The following PTPRB variants were observed in gnomAD, a reference collection of about 807,000 sequenced individuals.
PTPRB encodes the protein protein tyrosine phosphatase receptor type B.
In PTPRB, 97 loss-of-function variants were observed where a neutral mutation model predicts 238.1. The observed-to-expected ratio is 0.41, with a 90% CI of 0.35 to 0.48. The LOEUF is 0.48. Ranked by LOEUF, PTPRB falls within the 20% of genes least tolerant of loss-of-function variation. The probability of loss-of-function intolerance (pLI) is 0.30; values close to 1 mark genes in which losing one functional copy is unlikely to be tolerated. For synonymous variants in PTPRB, 970 were observed against 995.4 expected, an observed-to-expected ratio of 0.97 and a Z score of 0.48; for missense variants, 2,292 against 2,681.9, an observed-to-expected ratio of 0.85 and a Z score of 3.21.
chr12:70,533,711 C>T (rs376166136), intron 31 of PTPRB, among the ~76,000 whole-genome samples: 5 of 152,114 alleles, frequency 3.3e-5, no homozygotes, highest in East Asian at 3.9e-4. Context: ...CCCTCATGAA[C>T]GGGACTGGTG....
Position 70,571,253 on chromosome 12 carries a change from C to T in PTPRB, c.3143G>A (p.Arg1048Lys), listed in dbSNP as rs775032943. The change falls in exon 13 of 34, where the codon AGG (arginine) becomes AAG (lysine). Residue 1048 changes from arginine to lysine, a missense_variant. By Grantham distance (26) the Arg-to-Lys change is conservative (BLOSUM62 2). Coordinates refer to ENST00000334414, the MANE Select transcript of PTPRB (RefSeq NM_001109754.4). The stretch of plus-strand genomic sequence containing the variant: ...AGTCACATGCAAGTCCTCAGTGCTC[C>T]TGTTGCGCAATGTTAGATCCTTAAC... ...EPVKDLTLRN[R>K]STEDLHVTWS... 6.2e-7 allele frequency: 1 copy of T among 1,609,562 alleles called. No homozygotes were observed. Among genetic ancestry groups the T allele is most frequent in the East Asian group, 2.2e-5 (1 of 44,842 alleles).
intron 22 of PTPRB, among the ~76,000 whole-genome samples, chr12:70,543,192 G>T (rs1476700270): frequency 1.3e-5 from 2 of 152,056 alleles, no homozygotes; most frequent in Non-Finnish European, 2.9e-5. Flanking sequence ...AGGTTACAAA[G>T]ATTTACACCT....
Position 70,520,026 on chromosome 12 carries a change from T to G in PTPRB, c.*1463A>C. 1 of 278,772 alleles carries G rather than the reference T, an allele frequency of 3.6e-6. No homozygotes were observed. The highest frequency in any genetic ancestry group is 7.2e-6 in the Non-Finnish European group (1 of 139,696). The allele number at this position is 278,772 out of a possible 1,614,324, so 17.3% of individuals were successfully genotyped here. ...ATGGTAGGTTACAAAAATATATACT[T>G]TGAAAAGAAATATACTCTTTATGCA... On this transcript the variant is annotated 3_prime_UTR_variant, in exon 34 of 34. Coordinates refer to ENST00000334414, the MANE Select transcript of PTPRB (RefSeq NM_001109754.4).
At chr12:70,530,990 T>G (rs1873146072) in intron 32 of PTPRB, among the ~76,000 whole-genome samples, 2 of 152,258 alleles carry the variant, frequency 1.3e-5, no homozygotes, top group Non-Finnish European at 1.5e-5. Context: ...GTGGCAGAGG[T>G]TCCTGCCTGC....
intron 32 of PTPRB, among the ~76,000 whole-genome samples, chr12:70,529,418 ACCT>A (rs1403139550): frequency 6.6e-6 from 1 of 151,900 alleles, no homozygotes. Context: ...CAATACGATA[ACCT>A]CCTCTTTCCC....
chr12:70,533,462 C>T (rs140607891), intron 31 of PTPRB, among the ~76,000 whole-genome samples: 1 of 151,806 alleles, frequency 6.6e-6, no homozygotes, highest in Non-Finnish European at 1.5e-5. Flanking sequence ...CATTAATTTG[C>T]TAGATACCAG....
intron 9 of PTPRB, among the ~76,000 whole-genome samples, chr12:70,581,631 A>G (rs1431933554): frequency 6.6e-6 from 1 of 152,110 alleles, no homozygotes; most frequent in African/African-American, 2.4e-5. Context: ...ATGTGATTTT[A>G]TCTGTCCTTA....
At chr12:70,522,018 C>A (rs380780) in intron 33 of PTPRB, among the ~76,000 whole-genome samples, 147,183 of 152,294 alleles carry the variant, frequency 0.97, 71,160 homozygotes, top group East Asian at 1. Flanking sequence ...CTATACAGAT[C>A]AATTAGGGTG....
rs757010228 is a variant in PTPRB, at chr12:70,622,382, C to T, written c.708+8G>A. On this transcript the variant is annotated splice_region_variant and intron_variant, in intron 3 of 33. Coordinates refer to ENST00000334414, the MANE Select transcript of PTPRB (RefSeq NM_001109754.4). ...ACAGACCACACTCCACACACCCCCT[C>T]CTTTTACCTCTTCAGTGGTGCTGGA... The T allele has an allele frequency of 6.2e-7, 1 of 1,611,210 alleles. No individual in the cohort carries two copies. Among genetic ancestry groups the T allele is most frequent in the Non-Finnish European group, 8.5e-7 (1 of 1,179,312 alleles).
chr12:70,606,605 G>A (rs906496449), intron 4 of PTPRB, among the ~76,000 whole-genome samples: 4 of 152,054 alleles, frequency 2.6e-5, no homozygotes, highest in Non-Finnish European at 5.9e-5. Flanking sequence ...TTACTTTTTT[G>A]TTTGAAGTTT....
At chr12:70,636,118 T>C in intron 1 of PTPRB, 52 bp from the exon 2 acceptor site, 1 of 1,476,362 alleles carries the variant, frequency 6.8e-7, no homozygotes. Flanking sequence ...TGAGGCCCAT[T>C]AGAAAACGGA....
At chr12:70,564,879 T>C (rs796090931) in intron 15 of PTPRB, among the ~76,000 whole-genome samples, 2,316 of 36,772 alleles carry the variant, frequency 0.063, 48 homozygotes, top group African/African-American at 0.14. Flanking sequence ...ATAATAATAA[T>C]AATAATAATA....
intron 2 of PTPRB, among the ~76,000 whole-genome samples, chr12:70,628,720 A>C (rs1348378453): frequency 6.6e-6 from 1 of 152,108 alleles, no homozygotes; most frequent in East Asian, 1.9e-4. Flanking sequence ...TTGCTGGAAT[A>C]GATGCAACTG....
intron 10 of PTPRB, among the ~76,000 whole-genome samples, chr12:70,577,804 T>A (rs1183944261): frequency 6.6e-6 from 1 of 152,222 alleles, no homozygotes; most frequent in Non-Finnish European, 1.5e-5. Flanking sequence ...TCTGGTAATG[T>A]TGATCCACAT....
rs78712777 is a variant in PTPRB at position 70,542,965 on chromosome 12, T to C, written c.5494+1592A>G. 1.8e-4 allele frequency: 27 copies of C among 151,980 alleles called. No homozygotes were observed. In the East Asian group the frequency reaches 4.6e-3, roughly 26 times the overall value. The allele number at this position is 151,980 out of a possible 1,614,324, so 9.4% of individuals were successfully genotyped here. A position where few individuals can be genotyped will look rare whatever the true frequency, so the allele number is the denominator to read the frequency against. ...TGTAATTTGTGTTTTTATTATTAAATTGTGAGGTAAGAGTTCTTTATATGC... is the reference window on the plus strand; with the variant it reads ...TGTAATTTGTGTTTTTATTATTAAACTGTGAGGTAAGAGTTCTTTATATGC... On this transcript the variant is annotated intron_variant, in intron 22 of 33. Transcript: ENST00000334414.
chr12:70,594,853 A>G, intron 5 of PTPRB, 129 bp from the exon 6 acceptor site: 1 of 1,190,082 alleles, frequency 8.4e-7, no homozygotes, highest in Non-Finnish European at 1.2e-6. Context: ...TAGCATTAGT[A>G]AATAACAGGA....
chr12:70,635,689 T>C lies in PTPRB; in HGVS notation c.433A>G (p.Ser145Gly), dbSNP rs1225026102. The part of the protein sequence containing the change: ...VNKEGKLVNE[S>G]LCLQKAGLGA... Reference sequence around the variant, plus strand: ...AGCTCACCTTTTTGTAAACAGAGGCTTTCATTGACCAGTTTTCCCTCCTTG... The same window carrying C: ...AGCTCACCTTTTTGTAAACAGAGGCCTTCATTGACCAGTTTTCCCTCCTTG... Residue 145 changes from serine to glycine, a missense_variant, in exon 2 of 34, where the codon AGC (serine) becomes GGC (glycine). By Grantham distance (56) the Ser-to-Gly change is moderately conservative. Transcript: ENST00000334414. The C allele has an allele frequency of 6.2e-7, 1 of 1,613,736 alleles. No individual in the cohort carries two copies. The highest frequency in any genetic ancestry group is 1.7e-5 in the Admixed American group (1 of 59,974).
chr12:70,541,037 A>G lies in PTPRB; in HGVS notation c.5495-80T>C, dbSNP rs980255801. The G allele has an allele frequency of 1.5e-5, 16 of 1,084,774 alleles. No homozygotes were observed. In the South Asian group the frequency reaches 2.0e-4, roughly 13 times the overall value. The allele number at this position is 1,084,774 out of a possible 1,614,324, so 67.2% of individuals were successfully genotyped here. On this transcript the variant is annotated intron_variant, in intron 22 of 33. Transcript: ENST00000334414. ...AACCAGTAAGAAAGCTATTGAAGCC[A>G]TATCTCCCAAGTAATGTTATTACAA...
intron 19 of PTPRB, 151 bp downstream of exon 19, chr12:70,555,719 T>C: frequency 1.0e-6 from 1 of 997,590 alleles, no homozygotes. Flanking sequence ...TGGAGACTTT[T>C]AGGTCCTCCT....
Sources: gnomAD v4.1 joint callset for allele counts (sites outside exome capture counted in the v4.1 genomes callset) on GRCh38, gnomAD v4.1.1 for gene constraint, MANE v1.5 for transcripts, NCBI Gene and HGNC (gene_info 2026-07-23, HGNC 2026-07-21) for gene names.